The following NRG2 variants were observed in gnomAD, a reference collection of about 807,000 sequenced individuals.
The protein encoded by NRG2 is neuregulin 2, also known as pro-neuregulin-2, membrane-bound isoform.
Under a neutral mutation model 73.9 loss-of-function variants are expected in NRG2, and 27 were observed. The observed-to-expected ratio is 0.37, with a 90% CI of 0.27 to 0.50. The LOEUF is 0.50. Among genes scored for constraint, NRG2 ranks in the 20% least tolerant of loss-of-function variants. The pLI is 0.96. For missense variants in NRG2, 1,126 were observed against 1,210.1 expected, an observed-to-expected ratio of 0.93 and a Z score of 1.03; for synonymous variants, 532 against 541.0, an observed-to-expected ratio of 0.98 and a Z score of 0.23.
chr5:139,999,100 T>G (rs1401319362), intron 1 of NRG2, among the ~76,000 whole-genome samples: 1 of 152,142 alleles, frequency 6.6e-6, no homozygotes, highest in South Asian at 2.1e-4. Flanking sequence ...CTGGAGTTCC[T>G]CATCCTTCAA....
chr5:139,986,085 G>C (rs1299813087), intron 1 of NRG2, among the ~76,000 whole-genome samples: 1 of 152,206 alleles, frequency 6.6e-6, no homozygotes, highest in African/African-American at 2.4e-5. Flanking sequence ...TTAGCAGAAT[G>C]AACACAGAAT....
chr5:140,022,345 C>A (rs894033181), intron 1 of NRG2, among the ~76,000 whole-genome samples: 2 of 152,200 alleles, frequency 1.3e-5, no homozygotes, highest in Non-Finnish European at 2.9e-5. Flanking sequence ...TATTTGTCCT[C>A]CCTCTCTCCT....
At chr5:139,890,758 T>A (rs1356673645) in intron 1 of NRG2, among the ~76,000 whole-genome samples, 2 of 152,112 alleles carry the variant, frequency 1.3e-5, no homozygotes, top group Non-Finnish European at 2.9e-5. Flanking sequence ...TGGGTTCGGG[T>A]TGTGGGTTCT....
intron 1 of NRG2, among the ~76,000 whole-genome samples, chr5:139,899,888 T>A (rs983328370): frequency 6.6e-6 from 1 of 152,176 alleles, no homozygotes; most frequent in Non-Finnish European, 1.5e-5. Context: ...TAAGATCTCA[T>A]CCTGCCACTA....
chr5:139,904,518 G>C lies in NRG2; in HGVS notation c.701-17007C>G, dbSNP rs911964999. On this transcript the variant is annotated intron_variant, in intron 1 of 9. Transcript: ENST00000361474. This position sits in a 1 kb window ranked among gnomAD's most constrained non-coding sequence, Gnocchi z 6.0. Reference sequence around the variant, plus strand: ...TTCTTATAGGCGGTCACACCCTCCGGGGGAGGGGAGCAGCGAGCCTTAACT... The same window carrying C: ...TTCTTATAGGCGGTCACACCCTCCGCGGGAGGGGAGCAGCGAGCCTTAACT... 2.1e-5 allele frequency: 11 copies of C among 533,404 alleles called. No individual in the cohort carries two copies. The highest frequency in any genetic ancestry group is 1.8e-4 in the South Asian group (7 of 38,512). The allele number at this position is 533,404 out of a possible 1,614,324, so 33.0% of individuals were successfully genotyped here.
At chr5:139,876,362 T>C (rs1291511270) in intron 3 of NRG2, among the ~76,000 whole-genome samples, 5 of 152,180 alleles carry the variant, frequency 3.3e-5, no homozygotes, top group Non-Finnish European at 2.9e-5. Flanking sequence ...CTAAAGGGCA[T>C]GGGGTTTCTT....
intron 1 of NRG2, among the ~76,000 whole-genome samples, chr5:139,937,023 A>G (rs1752900154): frequency 6.6e-6 from 1 of 152,244 alleles, no homozygotes; most frequent in Non-Finnish European, 1.5e-5. Context: ...GCTGGTCTCG[A>G]ACTCCTGACC....
At chr5:139,934,790 C>T (rs764164477) in intron 1 of NRG2, among the ~76,000 whole-genome samples, 13 of 152,190 alleles carry the variant, frequency 8.5e-5, no homozygotes, top group Non-Finnish European at 1.0e-4. Context: ...TAATACAAGA[C>T]AAGGTATATG....
Position 139,851,389 on chromosome 5 carries a change from C to T in NRG2, c.1772+215G>A, listed in dbSNP as rs770966566. On this transcript the variant is annotated intron_variant, in intron 9 of 9. Transcript: ENST00000361474. The surrounding 1 kb of genome is among the most constrained non-coding windows in gnomAD (Gnocchi z 4.2). ...ATTAAATTAGATGGTCACTGTCCAC[C>T]AGGGTCCACTGGCCCAACTCTAGTC... Among the ~76,000 whole-genome samples, 2 of 152,204 alleles carry T rather than the reference C, an allele frequency of 1.3e-5. No individual in the cohort carries two copies. Among genetic ancestry groups the T allele is most frequent in the Admixed American group, 6.5e-5 (1 of 15,290 alleles).
At position 139,868,778 on chromosome 5, in the gene NRG2, C is replaced by T. The variant is rs1179265369; in HGVS notation, c.1112+2943G>A. On this transcript the variant is annotated intron_variant, in intron 4 of 9. Coordinates refer to ENST00000361474, the MANE Select transcript of NRG2 (RefSeq NM_004883.3). The surrounding 1 kb of genome is among the most constrained non-coding windows in gnomAD (Gnocchi z 4.2). ...GGGCACTGGAGGGAGTGAAGGGCCT[C>T]TGAGTTCATGAGAGGGGTGAAGATG... Among the ~76,000 whole-genome samples, 1 of 151,832 alleles carries T rather than the reference C, an allele frequency of 6.6e-6. No individual in the cohort carries two copies. Among genetic ancestry groups the T allele is most frequent in the Non-Finnish European group, 1.5e-5 (1 of 67,976 alleles).
At chr5:140,032,806 A>G (rs1482059050) in intron 1 of NRG2, among the ~76,000 whole-genome samples, 2 of 152,344 alleles carry the variant, frequency 1.3e-5, no homozygotes, top group Admixed American at 6.5e-5. Context: ...TCTTGAGGTC[A>G]GGGGATTGAT....
At chr5:139,909,109 A>C (rs1480563038) in intron 1 of NRG2, among the ~76,000 whole-genome samples, 1 of 152,238 alleles carries the variant, frequency 6.6e-6, no homozygotes, top group Non-Finnish European at 1.5e-5. Flanking sequence ...CCCTATTTTC[A>C]CAATGGGACG....
At chr5:139,945,465 A>G in intron 1 of NRG2, among the ~76,000 whole-genome samples, 1 of 152,070 alleles carries the variant, frequency 6.6e-6, no homozygotes, top group Non-Finnish European at 1.5e-5. Context: ...GGCTGTAAAT[A>G]TGTGGGTTTA....
In NRG2 at chr5:139,944,492, G is replaced by A. The variant is rs75936080; in HGVS notation, c.701-56981C>T. ...CAACTTTTTTTTAGGTTCCACATAT[G>A]AGTGAGAATGCGAACTGTTTAACTT... On this transcript the variant is annotated intron_variant, in intron 1 of 9. Transcript: ENST00000361474. Among the ~76,000 whole-genome samples, 945 of 152,126 alleles carry A rather than the reference G, an allele frequency of 6.2e-3. 6 individuals carry two copies. Among genetic ancestry groups the A allele is most frequent in the Middle Eastern group, 0.014 (4 of 294 alleles).
At chr5:140,015,883 C>T (rs1022209320) in intron 1 of NRG2, among the ~76,000 whole-genome samples, 6 of 152,154 alleles carry the variant, frequency 3.9e-5, no homozygotes. Flanking sequence ...TTTCCAGGCC[C>T]CAAATTCTAG....
At chr5:139,985,579 T>G (rs375891600) in intron 1 of NRG2, among the ~76,000 whole-genome samples, 1 of 152,180 alleles carries the variant, frequency 6.6e-6, no homozygotes, top group Non-Finnish European at 1.5e-5. Flanking sequence ...TCTGAGAATC[T>G]GATGAAAGCT....
chr5:139,975,471 A>T (rs264342), intron 1 of NRG2, among the ~76,000 whole-genome samples: 2 of 152,028 alleles, frequency 1.3e-5, no homozygotes, highest in East Asian at 3.9e-4. Context: ...CTTGGTGTCC[A>T]GGACCCCAGC....
intron 5 of NRG2, among the ~76,000 whole-genome samples, chr5:139,864,385 C>CTTTTTTTTTTT (rs954495131): frequency 7.4e-6 from 1 of 134,594 alleles, no homozygotes; most frequent in Non-Finnish European, 1.6e-5. Flanking sequence ...TCTTCTTCTT[C>CTTTTTTTTTTT]TTTTTTTTTT....
At chr5:140,038,452 A>T (rs995191023) in intron 1 of NRG2, among the ~76,000 whole-genome samples, 2 of 152,242 alleles carry the variant, frequency 1.3e-5, no homozygotes, top group Non-Finnish European at 2.9e-5. Context: ...GATTAAGCAC[A>T]TTGTGGTTAA....
Sources: allele counts gnomAD v4.1 joint callset (sites outside exome capture counted in the v4.1 genomes callset), GRCh38; gene constraint gnomAD v4.1.1; non-coding constraint Gnocchi (gnomAD v3.1); transcripts MANE v1.5; gene names NCBI Gene and HGNC (gene_info 2026-07-23, HGNC 2026-07-21).